The following PIP4P2 variants were observed in gnomAD, a reference collection of about 807,000 sequenced individuals.
PIP4P2 encodes type 2 phosphatidylinositol 4,5-bisphosphate 4-phosphatase.
A neutral mutation model predicts 33.3 loss-of-function variants in PIP4P2; 19 were observed. The observed-to-expected ratio is 0.57, with a 90% confidence interval of 0.40 to 0.84. The LOEUF is 0.84. PIP4P2 is among the 40% of genes least tolerant of loss of function. The pLI is 0.00. For synonymous variants in PIP4P2, 110 were observed against 111.9 expected (o/e 0.98, Z 0.11); for missense variants, 270 against 324.7 (o/e 0.83, Z 1.29).
Position 91,018,481 on chromosome 8 carries a change from A to T in PIP4P2, c.395T>A (p.Leu132His), listed in dbSNP as rs1393698227. 10 of 1,613,876 alleles carry T rather than the reference A, an allele frequency of 6.2e-6. No homozygotes were observed. Among genetic ancestry groups the T allele is most frequent in the Non-Finnish European group, 8.5e-6 (10 of 1,179,924 alleles). The change falls in exon 4 of 7, where the codon CTT (leucine) becomes CAT (histidine). Residue 132 changes from leucine to histidine, a missense_variant. Leu to His is a moderately conservative substitution (Grantham distance 99, BLOSUM62 -3). Coordinates refer to ENST00000285419, the MANE Select transcript of PIP4P2 (RefSeq NM_018710.3). Reference protein sequence around the residue: ...RRIINLGPVMLISEEQPAQPA... With the variant: ...RRIINLGPVMHISEEQPAQPA... ...CTGAGCTGGTTGTTCTTCAGAAATA[A>T]GCATTACTGGGCCAAGGTTAATTAT...
rs1258705021 is a variant in PIP4P2, at chr8:91,040,734, C to T, written c.16G>A (p.Val6Met). 6.2e-7 allele frequency: 1 copy of T among 1,612,312 alleles called. No homozygotes were observed. Among genetic ancestry groups the T allele is most frequent in the Non-Finnish European group, 8.5e-7 (1 of 1,179,982 alleles). Reference protein sequence around the residue: MAADGVDERSPLLSAS... With the variant: MAADGMDERSPLLSAS... ...GACAGCAGAGGCGAGCGTTCGTCCA[C>T]CCCATCAGCAGCCATGACTGCGGCA... The change falls in exon 1 of 7, where the codon GTG (valine) becomes ATG (methionine). Residue 6 changes from valine to methionine, a missense_variant. Transcript: ENST00000285419.
intron 1 of PIP4P2, among the ~76,000 whole-genome samples, chr8:91,027,711 T>C (rs1178757261): frequency 6.6e-6 from 1 of 152,194 alleles, no homozygotes; most frequent in African/African-American, 2.4e-5. Flanking sequence ...AACATTTAGT[T>C]AATTGGTTGA....
At chr8:91,008,253 G>T (rs1487744664) in intron 5 of PIP4P2, among the ~76,000 whole-genome samples, 1 of 151,748 alleles carries the variant, frequency 6.6e-6, no homozygotes, top group African/African-American at 2.4e-5. Context: ...TTTTCATTAG[G>T]TGCATCATTT....
intron 5 of PIP4P2, among the ~76,000 whole-genome samples, chr8:90,998,701 G>T (rs921833423): frequency 1.3e-5 from 2 of 151,970 alleles, no homozygotes; most frequent in Non-Finnish European, 2.9e-5. Flanking sequence ...TGGAATAACT[G>T]GCTAGCCATA....
intron 1 of PIP4P2, among the ~76,000 whole-genome samples, chr8:91,030,205 C>T (rs1184494144): frequency 8.1e-6 from 1 of 122,706 alleles, no homozygotes; most frequent in Non-Finnish European, 1.8e-5. Context: ...CAGAGCAAGA[C>T]TCCATCTCAA....
At chr8:91,032,837 T>G (rs1398614849) in intron 1 of PIP4P2, among the ~76,000 whole-genome samples, 2 of 151,782 alleles carry the variant, frequency 1.3e-5, no homozygotes, top group African/African-American at 4.8e-5. Context: ...CAAGGTGTAT[T>G]CAGGGTTACC....
chr8:91,018,381 G>A lies in PIP4P2; in HGVS notation c.486+9C>T. The A allele has an allele frequency of 6.2e-7, 1 of 1,613,920 alleles. No individual in the cohort carries two copies. Among genetic ancestry groups the A allele is most frequent in the South Asian group, 1.1e-5 (1 of 91,088 alleles). On this transcript the variant is annotated intron_variant, in intron 4 of 6. Coordinates refer to ENST00000285419, the MANE Select transcript of PIP4P2 (RefSeq NM_018710.3). ...TTTACAGATTAATGACAAATGTCCA[G>A]TGACTTACCAGGAATGTGTTTCCAC...
chr8:91,009,654 C>CT (rs1232424958), intron 4 of PIP4P2, among the ~76,000 whole-genome samples: 2 of 151,780 alleles, frequency 1.3e-5, no homozygotes, highest in Non-Finnish European at 3.0e-5. Context: ...AACAATTTTT[C>CT]TTTTCAGAAG....
intron 1 of PIP4P2, among the ~76,000 whole-genome samples, chr8:91,040,205 A>G (rs934863378): frequency 1.3e-5 from 2 of 152,222 alleles, no homozygotes; most frequent in Non-Finnish European, 2.9e-5. Context: ...TTTCAAGGAC[A>G]GATGCCAAGG....
At chr8:91,012,709 C>T (rs1811855705) in intron 4 of PIP4P2, among the ~76,000 whole-genome samples, 1 of 152,138 alleles carries the variant, frequency 6.6e-6, no homozygotes, top group African/African-American at 2.4e-5. Flanking sequence ...CTTGCCTGCA[C>T]TGAATGTTAA....
At position 91,000,567 on chromosome 8, in the gene PIP4P2, G is replaced by T. The variant is rs1432051523; in HGVS notation, c.540-3823C>A. On this transcript the variant is annotated intron_variant, in intron 5 of 6. Coordinates refer to ENST00000285419, the MANE Select transcript of PIP4P2 (RefSeq NM_018710.3). The stretch of plus-strand genomic sequence containing the variant: ...ACAGTTAATTTCTCTTAGTATTTTT[G>T]ATGTATTTTAAAACTTGTTTTCTGG... Among the ~76,000 whole-genome samples, 8 of 151,854 alleles carry T rather than the reference G, an allele frequency of 5.3e-5. No individual in the cohort carries two copies. In the South Asian group the frequency reaches 1.0e-3, roughly 20 times the overall value.
chr8:91,017,507 T>C lies in PIP4P2; in HGVS notation c.486+883A>G, dbSNP rs916938042. On this transcript the variant is annotated intron_variant, in intron 4 of 6. Transcript: ENST00000285419. ...AGAGTTGAAAGCATTTTGGGAACAG[T>C]AACTAGGGGTCAGCTAGATGAGAAG... is the stretch of plus-strand genomic sequence containing the variant. 3.3e-5 allele frequency among the ~76,000 whole-genome samples: 5 copies of C among 152,266 alleles called. No homozygotes were observed. The South Asian group carries it at 1.0e-3, about 32-fold the overall frequency.
rs530414777 is a variant in PIP4P2, at chr8:91,027,585, G to C, written c.107-6181C>G. Among the ~76,000 whole-genome samples, 6 of 152,156 alleles carry C rather than the reference G, an allele frequency of 3.9e-5. No individual in the cohort carries two copies. The South Asian group carries it at 1.0e-3, about 26-fold the overall frequency. ...GATAATATGTATTTCCAGAAACCTG[G>C]AGAGTACTTGTGAAGTGGATCCTAA... On this transcript the variant is annotated intron_variant, in intron 1 of 6. Transcript: ENST00000285419.
At chr8:91,023,377 G>A (rs983512396) in intron 1 of PIP4P2, among the ~76,000 whole-genome samples, 1 of 126,882 alleles carries the variant, frequency 7.9e-6, no homozygotes, top group Non-Finnish European at 1.9e-5. Context: ...GGCATTAGGG[G>A]GAGAGGAGGA....
chr8:91,019,309 C>T (rs1485339672), intron 3 of PIP4P2, among the ~76,000 whole-genome samples: 1 of 134,780 alleles, frequency 7.4e-6, no homozygotes, highest in Non-Finnish European at 1.5e-5. Context: ...GGCATGGTGG[C>T]TCATGCCTGT....
chr8:91,034,492 T>G (rs556902503), intron 1 of PIP4P2, among the ~76,000 whole-genome samples: 40 of 152,308 alleles, frequency 2.6e-4, no homozygotes, highest in Admixed American at 4.6e-4. Flanking sequence ...AAGCAAATTT[T>G]GATTCAAGAA....
At chr8:91,003,714 G>T (rs1400193950) in intron 5 of PIP4P2, among the ~76,000 whole-genome samples, 8 of 151,954 alleles carry the variant, frequency 5.3e-5, no homozygotes, top group Admixed American at 4.6e-4. Context: ...TCATTTAATG[G>T]CATCTAAATG....
rs1225852801 is a variant in PIP4P2, at chr8:91,020,268, A to G, written c.256-5T>C. 1 of 1,613,284 alleles carries G rather than the reference A, an allele frequency of 6.2e-7. No individual in the cohort carries two copies. The highest frequency in any genetic ancestry group is 1.7e-5 in the Admixed American group (1 of 59,910). Reference sequence around the variant, plus strand: ...TGTTGGGGGGTTTTTGATTGGCTGGATAAGGGAAGAAAATGCAAACACAGC... The same window carrying G: ...TGTTGGGGGGTTTTTGATTGGCTGGGTAAGGGAAGAAAATGCAAACACAGC... On this transcript the variant is annotated splice_region_variant and splice_polypyrimidine_tract_variant and intron_variant, in intron 2 of 6. Transcript: ENST00000285419.
intron 1 of PIP4P2, among the ~76,000 whole-genome samples, chr8:91,027,136 C>A (rs1812095608): frequency 6.6e-6 from 1 of 152,140 alleles, no homozygotes; most frequent in Non-Finnish European, 1.5e-5. Context: ...GTGCAAATTG[C>A]AAAATTATAA....
Sources: allele counts gnomAD v4.1 joint callset (sites outside exome capture counted in the v4.1 genomes callset), GRCh38; gene constraint gnomAD v4.1.1; transcripts MANE v1.5; gene names NCBI Gene and HGNC (gene_info 2026-07-23, HGNC 2026-07-21).